The following GNA14 variants were observed in gnomAD, a reference collection of about 807,000 sequenced individuals.
GNA14 encodes the protein guanine nucleotide-binding protein subunit alpha-14.
Under a neutral mutation model 42.0 loss-of-function variants are expected in GNA14, and 50 were observed. The observed-to-expected ratio is 1.19, with a 90% confidence interval of 0.95 to 1.51. The LOEUF (loss-of-function observed/expected upper bound fraction) is 1.51. Ranked by LOEUF, GNA14 falls within the 40% of genes most tolerant of loss-of-function variation. GNA14 has a pLI of 0.00. For synonymous variants in GNA14, 173 were observed against 163.1 expected, an observed-to-expected ratio of 1.06 and a Z score of -0.46; for missense variants, 473 against 446.2, an observed-to-expected ratio of 1.06 and a Z score of -0.54.
chr9:77,485,508 A>T (rs1836642676), intron 2 of GNA14, among the ~76,000 whole-genome samples: 1 of 152,154 alleles, frequency 6.6e-6, no homozygotes, highest in Non-Finnish European at 1.5e-5. Context: ...GGAATTACAA[A>T]TGTTCTTCAT....
At chr9:77,543,234 G>A (rs1427081456) in intron 1 of GNA14, among the ~76,000 whole-genome samples, 1 of 152,204 alleles carries the variant, frequency 6.6e-6, no homozygotes, top group Admixed American at 6.5e-5. Context: ...TGCCCACTGT[G>A]GGCATGCCAC....
At chr9:77,436,956 C>T (rs958801962) in intron 2 of GNA14, among the ~76,000 whole-genome samples, 4 of 152,306 alleles carry the variant, frequency 2.6e-5, no homozygotes, top group East Asian at 1.9e-4. Flanking sequence ...GGAGCACACA[C>T]GGAGCAGGTC....
chr9:77,557,238 A>G (rs73651540), intron 1 of GNA14, among the ~76,000 whole-genome samples: 213 of 152,330 alleles, frequency 1.4e-3, no homozygotes, highest in African/African-American at 4.8e-3. Flanking sequence ...GGAGAAAGAG[A>G]AAGGGACAAG....
chr9:77,572,100 G>T (rs1243836760), intron 1 of GNA14, among the ~76,000 whole-genome samples: 1 of 152,098 alleles, frequency 6.6e-6, no homozygotes. Flanking sequence ...AAAGGCCCAT[G>T]AAAAATTCCC....
intron 2 of GNA14, among the ~76,000 whole-genome samples, chr9:77,492,975 T>C (rs1479995099): frequency 7.7e-6 from 1 of 129,408 alleles, no homozygotes; most frequent in Non-Finnish European, 1.6e-5. Context: ...CACTCCAGCC[T>C]GGGTGACAGA....
At chr9:77,450,637 T>C (rs916067753) in intron 2 of GNA14, among the ~76,000 whole-genome samples, 1 of 151,768 alleles carries the variant, frequency 6.6e-6, no homozygotes, top group Non-Finnish European at 1.5e-5. Context: ...GCTGTTAAAA[T>C]TATTCTTCCT....
At chr9:77,512,405 A>C (rs1007769847) in intron 2 of GNA14, among the ~76,000 whole-genome samples, 2 of 152,228 alleles carry the variant, frequency 1.3e-5, no homozygotes, top group Non-Finnish European at 2.9e-5. Flanking sequence ...TTTAATAAAC[A>C]GAAGTAAAAA....
chr9:77,580,371 G>T, intron 1 of GNA14: 1 of 322,468 alleles, frequency 3.1e-6, no homozygotes, highest in South Asian at 3.5e-5. Context: ...TAGGTGGGAA[G>T]GACAGCAATG....
At chr9:77,646,705 A>C (rs960514436) in intron 1 of GNA14, among the ~76,000 whole-genome samples, 7 of 152,264 alleles carry the variant, frequency 4.6e-5, no homozygotes, top group Non-Finnish European at 1.5e-5. Context: ...GCTATCTAGA[A>C]AAAAATTGAC....
intron 2 of GNA14, among the ~76,000 whole-genome samples, chr9:77,498,384 A>AAAAT (rs1175806388): frequency 1.3e-4 from 12 of 94,146 alleles, no homozygotes; most frequent in Admixed American, 5.9e-4. Context: ...AAAAAAAAAA[A>AAAAT]AAAAGAAAAA....
At position 77,506,187 on chromosome 9, in the gene GNA14, T is replaced by C. The variant is rs148810131; in HGVS notation, c.309+22882A>G. Among the ~76,000 whole-genome samples the C allele has an allele frequency of 6.3e-3, 933 of 147,180 alleles. 6 individuals are homozygous for C. The highest frequency in any genetic ancestry group is 0.01 in the Non-Finnish European group (693 of 66,854). On this transcript the variant is annotated intron_variant, in intron 2 of 6. Transcript: ENST00000341700. ...GTACTACCTACTTGGGAGGCTGAGG[T>C]GGGAGGATTGCTTGAGCTCAGGAGG...
chr9:77,647,819 G>A lies in GNA14; in HGVS notation c.-26C>T, dbSNP rs374751150. 11 of 1,598,288 alleles carry A rather than the reference G, an allele frequency of 6.9e-6. No individual in the cohort carries two copies. The highest frequency in any genetic ancestry group is 2.7e-5 in the African/African-American group (2 of 74,658). On this transcript the variant is annotated 5_prime_UTR_variant, in exon 1 of 7. Transcript: ENST00000341700. Reference sequence around the variant, plus strand: ...GGTGCGCTCAGCTCAGTACCCGACGGGGCGACGCGGCCCCGGGCACCCGAA... The same window carrying A: ...GGTGCGCTCAGCTCAGTACCCGACGAGGCGACGCGGCCCCGGGCACCCGAA...
At chr9:77,571,835 CATT>C (rs1472948118) in intron 1 of GNA14, among the ~76,000 whole-genome samples, 1 of 151,180 alleles carries the variant, frequency 6.6e-6, no homozygotes, top group Non-Finnish European at 1.5e-5. Flanking sequence ...TAAAATATCT[CATT>C]AATTTTTATA....
At chr9:77,436,291 T>C (rs146675157) in intron 2 of GNA14, among the ~76,000 whole-genome samples, 2 of 152,298 alleles carry the variant, frequency 1.3e-5, no homozygotes, top group African/African-American at 4.8e-5. Flanking sequence ...CTAAACAGTG[T>C]AGTTGGGACT....
intron 2 of GNA14, among the ~76,000 whole-genome samples, chr9:77,452,713 T>C (rs971328184): frequency 1.3e-3 from 50 of 38,014 alleles, no homozygotes; most frequent in Non-Finnish European, 4.6e-4. Context: ...GTCTGAAAGT[T>C]TGTGTCTCTC....
At chr9:77,553,733 C>G (rs546739764) in intron 1 of GNA14, among the ~76,000 whole-genome samples, 1 of 152,086 alleles carries the variant, frequency 6.6e-6, no homozygotes, top group South Asian at 2.1e-4. Flanking sequence ...GCTTGCATCA[C>G]CATCATTCAA....
At chr9:77,636,737 A>C (rs1407239387) in intron 1 of GNA14, among the ~76,000 whole-genome samples, 4 of 152,184 alleles carry the variant, frequency 2.6e-5, no homozygotes, top group Non-Finnish European at 4.4e-5. Flanking sequence ...GGAGGGCACT[A>C]ATCTATTCTT....
At chr9:77,492,526 T>G (rs1836792378) in intron 2 of GNA14, among the ~76,000 whole-genome samples, 1 of 151,900 alleles carries the variant, frequency 6.6e-6, no homozygotes, top group African/African-American at 2.4e-5. Flanking sequence ...TAGAGACTAT[T>G]ACAAACAGCT....
At chr9:77,576,645 C>G (rs1179908707) in intron 1 of GNA14, among the ~76,000 whole-genome samples, 1 of 152,150 alleles carries the variant, frequency 6.6e-6, no homozygotes, top group Non-Finnish European at 1.5e-5. Context: ...ACATTCCTTA[C>G]ATCATTATCA....
Sources: gnomAD v4.1 joint callset for allele counts (sites outside exome capture counted in the v4.1 genomes callset) on GRCh38, gnomAD v4.1.1 for gene constraint, MANE v1.5 for transcripts, NCBI Gene and HGNC (gene_info 2026-07-23, HGNC 2026-07-21) for gene names.